The following XPOT variants were observed in gnomAD, a reference collection of about 807,000 sequenced individuals.
XPOT encodes exportin-T.
Under a neutral mutation model 128.2 loss-of-function variants are expected in XPOT, and 34 were observed. The ratio of observed to expected loss-of-function variants is 0.27; its 90% CI spans 0.20 to 0.35. The LOEUF is 0.35. Among genes scored for constraint, XPOT ranks in the 10% least tolerant of loss-of-function variants. The pLI, the probability that XPOT is intolerant of heterozygous loss-of-function variation, is 1.00. For synonymous variants in XPOT, 348 were observed against 394.3 expected, an observed-to-expected ratio of 0.88 and a Z score of 1.39; for missense variants, 838 against 1,125.3, an observed-to-expected ratio of 0.74 and a Z score of 3.65.
At chr12:64,420,547 T>C (rs1231385750) in intron 8 of XPOT, 26 bp downstream of exon 8, 2 of 1,575,482 alleles carry the variant, frequency 1.3e-6, no homozygotes, top group South Asian at 2.3e-5. Flanking sequence ...TAAAACATTG[T>C]ATGTAAAGTT....
chr12:64,434,494 T>G lies in XPOT; in HGVS notation c.2453-13T>G. 2 of 1,595,406 alleles carry G rather than the reference T, an allele frequency of 1.3e-6. No homozygotes were observed. The highest frequency in any genetic ancestry group is 1.7e-6 in the Non-Finnish European group (2 of 1,165,500). ...TTTTGGAAATTGCTTAAACTAAAGGTTTTTCTCCTCAGGTGCAGAGAATGT... is the reference window on the plus strand; with the variant it reads ...TTTTGGAAATTGCTTAAACTAAAGGGTTTTCTCCTCAGGTGCAGAGAATGT... On this transcript the variant is annotated splice_polypyrimidine_tract_variant and intron_variant, in intron 19 of 24. Transcript: ENST00000332707.
At chr12:64,418,764 T>C in intron 5 of XPOT, 112 bp from the exon 6 acceptor site, 1 of 824,162 alleles carries the variant, frequency 1.2e-6, no homozygotes, top group Non-Finnish European at 1.9e-6. Context: ...TTGCATAGTT[T>C]ATCTGGGCCA....
intron 17 of XPOT, among the ~76,000 whole-genome samples, chr12:64,430,751 G>C (rs907444499): frequency 3.3e-5 from 5 of 152,128 alleles, no homozygotes; most frequent in African/African-American, 7.2e-5. Flanking sequence ...TAATTTAGAA[G>C]TTAAATTGTT....
intron 3 of XPOT, among the ~76,000 whole-genome samples, chr12:64,415,314 A>G (rs2040077459): frequency 6.6e-6 from 1 of 151,852 alleles, no homozygotes; most frequent in African/African-American, 2.4e-5. Context: ...AAACTTTGGT[A>G]AAGACGGTGA....
chr12:64,438,753 G>A (rs999111129), intron 22 of XPOT, among the ~76,000 whole-genome samples: 3 of 151,536 alleles, frequency 2.0e-5, no homozygotes, highest in Admixed American at 6.6e-5. Context: ...TCAGCCTCCC[G>A]AGTAGCTGGG....
chr12:64,417,988 T>C, intron 4 of XPOT, 58 bp from the exon 5 acceptor site: 2 of 1,409,392 alleles, frequency 1.4e-6, no homozygotes. Flanking sequence ...GCTGTTATTT[T>C]TTACAACCAT....
chr12:64,441,606 A>C (rs1462657471), intron 23 of XPOT, among the ~76,000 whole-genome samples: 1 of 152,164 alleles, frequency 6.6e-6, no homozygotes, highest in Non-Finnish European at 1.5e-5. Context: ...TGGAACTCTT[A>C]TACGGATTGC....
Position 64,425,842 on chromosome 12 carries a change from C to T in XPOT, c.1600C>T (p.Arg534Trp), listed in dbSNP as rs998797301. 10 of 1,613,874 alleles carry T rather than the reference C, an allele frequency of 6.2e-6. No homozygotes were observed. The highest frequency in any genetic ancestry group is 2.2e-5 in the East Asian group (1 of 44,892). ...LMAFLDHRGL[R>W]HSSAKVRSRT... ...GGCTTTCTTAGATCACAGAGGTCTG[C>T]GGCATTCCAGTGCAAAAGTTCGGAG... Residue 534 changes from arginine (R) to tryptophan (W), a missense_variant, in exon 15 of 25, where the codon CGG becomes TGG. Arg to Trp is a moderately radical substitution (Grantham distance 101). Transcript: ENST00000332707.
intron 2 of XPOT, among the ~76,000 whole-genome samples, chr12:64,411,139 C>G (rs1164430327): frequency 6.6e-6 from 1 of 152,156 alleles, no homozygotes; most frequent in Non-Finnish European, 1.5e-5. Context: ...AAGTATCTGG[C>G]TAATTACAAG....
intron 15 of XPOT, among the ~76,000 whole-genome samples, chr12:64,426,618 T>C (rs1317487449): frequency 6.6e-6 from 1 of 152,138 alleles, no homozygotes; most frequent in Non-Finnish European, 1.5e-5. Flanking sequence ...ATTGGATCAA[T>C]AGAAGCGCAA....
intron 9 of XPOT, 42 bp downstream of exon 9, chr12:64,421,513 AAGG>A (rs1194630132): frequency 7.3e-7 from 1 of 1,363,372 alleles, no homozygotes. Context: ...ACATAATACA[AAGG>A]AGCCATGGAG....
chr12:64,434,698 C>T, intron 20 of XPOT, 75 bp downstream of exon 20: 2 of 1,521,908 alleles, frequency 1.3e-6, no homozygotes, highest in South Asian at 2.3e-5. Context: ...GGAACATAGC[C>T]CTAACAGAGA....
Position 64,425,376 on chromosome 12 carries a change from T to C in XPOT, c.1491T>C (p.Ser497=). 3 of 1,613,562 alleles carry C rather than the reference T, an allele frequency of 1.9e-6. No homozygotes were observed. The highest frequency in any genetic ancestry group is 2.5e-6 in the Non-Finnish European group (3 of 1,179,978). ...GAGTCAGTTCCTATCAGCATACATC[T>C]GTGACATTGGAGTTCTTCGAAACTG... ...TSGVSSYQHT[S]VTLEFFETVV... is the part of the protein sequence containing the mutation. Residue 497 remains serine, a synonymous_variant, in exon 14 of 25, where the codon TCT becomes TCC. Coordinates refer to ENST00000332707, the MANE Select transcript of XPOT (RefSeq NM_007235.6).
chr12:64,428,059 T>C lies in XPOT; in HGVS notation c.1676T>C (p.Met559Thr). ...CTTTTTCTGTTTTTCAGTAAGCAAA[T>C]GAATCCTTTCATTGAGGATATTTTG... Reference protein sequence around the residue: ...SRFVKSLNKQMNPFIEDILNR... With the variant: ...SRFVKSLNKQTNPFIEDILNR... The change falls in exon 16 of 25, where the codon ATG becomes ACG. Residue 559 changes from methionine (M) to threonine (T), a missense_variant. This residue lies in a region of XPOT where 761 missense variants were observed against 988.3 expected (regional missense o/e 0.77). Coordinates refer to ENST00000332707, the MANE Select transcript of XPOT (RefSeq NM_007235.6). 1.9e-6 allele frequency: 3 copies of C among 1,570,070 alleles called. No individual in the cohort carries two copies. Among genetic ancestry groups the C allele is most frequent in the Non-Finnish European group, 2.6e-6 (3 of 1,142,240 alleles).
chr12:64,446,504 C>T (rs2040368522), intron 24 of XPOT, among the ~76,000 whole-genome samples: 1 of 152,144 alleles, frequency 6.6e-6, no homozygotes, highest in African/African-American at 2.4e-5. Context: ...TTACTCTGAT[C>T]TCTCTTCTCT....
chr12:64,421,447 C>T lies in XPOT; in HGVS notation c.1056C>T (p.Tyr352=), dbSNP rs753575884. 1.6e-5 allele frequency: 26 copies of T among 1,611,560 alleles called. 1 individual carries two copies. Among genetic ancestry groups the T allele is most frequent in the South Asian group, 1.3e-4 (12 of 90,994 alleles). ...CTTCTAATATTATTGGATTTTGTTA[C>T]GATTATCTTCATATTTTGAAACAGG... ...DISSNIIGFC[Y]DYLHILKQLT... Residue 352 remains tyrosine, a synonymous_variant, in exon 9 of 25, where the codon TAC becomes TAT. Transcript: ENST00000332707.
chr12:64,450,752 G>C lies in XPOT; in HGVS notation c.*2621G>C, dbSNP rs994293841. The stretch of plus-strand genomic sequence containing the variant: ...AAAACTGTTACAAGCTGAAATATTT[G>C]GGGATTTGTTTGACTTGACTAGGGA... On this transcript the variant is annotated 3_prime_UTR_variant, in exon 25 of 25. Transcript: ENST00000332707. 3 of 152,202 alleles carry C rather than the reference G, an allele frequency of 2.0e-5. No individual in the cohort carries two copies. The highest frequency in any genetic ancestry group is 7.2e-5 in the African/African-American group (3 of 41,458). The allele number at this position is 152,202 out of a possible 1,614,324, so 9.4% of individuals were successfully genotyped here.
chr12:64,434,939 G>A, intron 21 of XPOT, 30 bp downstream of exon 21: 1 of 1,562,832 alleles, frequency 6.4e-7, no homozygotes, highest in Non-Finnish European at 8.8e-7. Flanking sequence ...TGTTTACCTT[G>A]TGTAGCTCAT....
intron 11 of XPOT, 121 bp from the exon 12 acceptor site, chr12:64,424,478 G>A (rs1037988738): frequency 1.1e-6 from 1 of 892,802 alleles, no homozygotes. Flanking sequence ...TATACTTTAA[G>A]TTTTGGGGTA....
Sources: allele counts gnomAD v4.1 joint callset (sites outside exome capture counted in the v4.1 genomes callset), GRCh38; gene constraint gnomAD v4.1.1; regional missense constraint gnomAD v4.1.1; transcripts MANE v1.5; gene names NCBI Gene and HGNC (gene_info 2026-07-23, HGNC 2026-07-21).